Variants in CCDC7 observed in about 807,000 individuals in gnomAD.
The protein encoded by CCDC7 is coiled-coil domain containing 7, also known as coiled-coil domain-containing protein 7.
In CCDC7, 183 loss-of-function variants were observed where a neutral mutation model predicts 196.9. That is an observed-to-expected ratio of 0.93 (90% CI 0.82 to 1.05). The LOEUF (loss-of-function observed/expected upper bound fraction) is 1.05. Among genes scored for constraint, CCDC7 ranks in the 50% least tolerant of loss-of-function variants. CCDC7 has a pLI of 0.00. For synonymous variants in CCDC7, 525 were observed against 484.6 expected, an observed-to-expected ratio of 1.08 and a Z score of -1.10; for missense variants, 1,540 against 1,482.2, an observed-to-expected ratio of 1.04 and a Z score of -0.64.
intron 15 of CCDC7, among the ~76,000 whole-genome samples, chr10:32,568,502 T>C (rs939217297): frequency 8.5e-5 from 13 of 152,132 alleles, no homozygotes; most frequent in Non-Finnish European, 1.8e-4. Flanking sequence ...CCTGGAAAGA[T>C]AAATAATAAA....
chr10:32,645,115 C>T (rs758525621), intron 20 of CCDC7, among the ~76,000 whole-genome samples: 37 of 152,134 alleles, frequency 2.4e-4, no homozygotes, highest in Non-Finnish European at 3.5e-4. Context: ...CATCACTAAT[C>T]ATCAGAGAAA....
intron 9 of CCDC7, chr10:32,511,859 T>A: frequency 1.5e-6 from 1 of 656,326 alleles, no homozygotes; most frequent in African/African-American, 1.8e-5. Context: ...ATCTCACCAA[T>A]GTATAGCTTT....
In CCDC7 at chr10:32,619,910, C is replaced by CTTTTTTTTTTT. The variant is rs56089046; in HGVS notation, c.1802-14324_1802-14314dup. On this transcript the variant is annotated intron_variant, in intron 18 of 41. Coordinates refer to ENST00000639629, the Ensembl canonical transcript of CCDC7. ...CACTGCTCCCAGCCCTTCAATGTAC[C>CTTTTTTTTTTT]TTTTTTTTTTTTTTTTTTTTTTTTT... is the stretch of plus-strand genomic sequence containing the variant. 8.1e-4 allele frequency among the ~76,000 whole-genome samples: 64 copies of CTTTTTTTTTTT among 79,276 alleles called. 6 individuals are homozygous for CTTTTTTTTTTT. The highest frequency in any genetic ancestry group is 9.4e-3 in the Middle Eastern group (1 of 106). The allele number at this position is 79,276 out of a possible 152,430, so 52.0% of individuals were successfully genotyped here.
At chr10:32,589,382 C>T (rs558619685) in intron 18 of CCDC7, among the ~76,000 whole-genome samples, 55 of 152,144 alleles carry the variant, frequency 3.6e-4, no homozygotes, top group Non-Finnish European at 4.4e-4. Context: ...ACCAAATTTT[C>T]TTTATTCATT....
chr10:32,760,278 A>G (rs182934344), intron 28 of CCDC7, among the ~76,000 whole-genome samples: 3 of 152,338 alleles, frequency 2.0e-5, no homozygotes, highest in African/African-American at 7.2e-5. Flanking sequence ...TGATACTGCT[A>G]TAAAGACACA....
chr10:32,723,080 C>T (rs117114146), intron 25 of CCDC7, among the ~76,000 whole-genome samples: 2 of 152,046 alleles, frequency 1.3e-5, no homozygotes, highest in African/African-American at 2.4e-5. Flanking sequence ...ACTTCGTAGA[C>T]CCTAGCAGAC....
intron 41 of CCDC7, among the ~76,000 whole-genome samples, chr10:32,873,233 A>G (rs1460918447): frequency 1.3e-5 from 2 of 151,868 alleles, no homozygotes; most frequent in Admixed American, 6.6e-5. Context: ...GTCTTTGTTC[A>G]TTTCTTTTTA....
upstream of CCDC7, chr10:32,451,542 A>T: frequency 6.9e-7 from 1 of 1,449,592 alleles, no homozygotes; most frequent in Non-Finnish European, 9.1e-7. Flanking sequence ...TAGTATGTGA[A>T]TTTAATTAGA....
At position 32,865,219 on chromosome 10, in the gene CCDC7, T is replaced by G. The variant is rs191643460; in HGVS notation, c.4111+10730T>G. Among the ~76,000 whole-genome samples, 506 of 152,002 alleles carry G rather than the reference T, an allele frequency of 3.3e-3. 1 individual carries two copies. The highest frequency in any genetic ancestry group is 4.3e-3 in the Non-Finnish European group (293 of 67,874). Reference sequence around the variant, plus strand: ...TTATAATAGACTTCTCTGCAGAATATGTAAAGAACTTTTATGTTAATATTA... The same window carrying G: ...TTATAATAGACTTCTCTGCAGAATAGGTAAAGAACTTTTATGTTAATATTA... On this transcript the variant is annotated intron_variant, in intron 41 of 41. Coordinates refer to ENST00000639629, the Ensembl canonical transcript of CCDC7.
At position 32,736,872 on chromosome 10, in the gene CCDC7, A is replaced by G. The variant is rs2084952975; in HGVS notation, c.2905+7415A>G. Among the ~76,000 whole-genome samples, 3 of 152,116 alleles carry G rather than the reference A, an allele frequency of 2.0e-5. No individual in the cohort carries two copies. The South Asian group carries it at 6.2e-4, about 31-fold the overall frequency. On this transcript the variant is annotated intron_variant, in intron 28 of 41. Transcript: ENST00000639629. ...TTATTCTCTTTTCTTGTCTTACTGC[A>G]TTAGTTAGGACTTCCAGTACAATGT...
chr10:32,470,134 C>T (rs1180887865), intron 5 of CCDC7, among the ~76,000 whole-genome samples: 1 of 152,180 alleles, frequency 6.6e-6, no homozygotes, highest in East Asian at 1.9e-4. Flanking sequence ...TTCACTTCTG[C>T]TGTTATATCC....
chr10:32,669,040 G>T (rs1175086774), intron 21 of CCDC7, among the ~76,000 whole-genome samples: 1 of 152,022 alleles, frequency 6.6e-6, no homozygotes, highest in Non-Finnish European at 1.5e-5. Flanking sequence ...CTTGTTTGTT[G>T]TATATGGCTT....
chr10:32,864,645 A>G (rs1451567097), intron 41 of CCDC7, among the ~76,000 whole-genome samples: 2 of 151,808 alleles, frequency 1.3e-5, no homozygotes, highest in Non-Finnish European at 2.9e-5. Context: ...GTTGTACAAT[A>G]TATACAAAAC....
Position 32,471,325 on chromosome 10 carries a change from A to ATACAC in CCDC7, c.677+96_677+100dup, listed in dbSNP as rs111772721. Reference sequence around the variant, plus strand: ...AGATAATGGGTCAGATATGATGGCTATACACAGAGCTTCTTAGTCAAATCA... The same window carrying ATACAC: ...AGATAATGGGTCAGATATGATGGCTATACACTACACAGAGCTTCTTAGTCAAATCA... On this transcript the variant is annotated intron_variant, in intron 6 of 41. Coordinates refer to ENST00000639629, the Ensembl canonical transcript of CCDC7. 3.5e-5 allele frequency: 49 copies of ATACAC among 1,399,494 alleles called. No individual in the cohort carries two copies. The African/African-American group carries it at 5.6e-4, about 16-fold the overall frequency. The allele number at this position is 1,399,494 out of a possible 1,614,324, so 86.7% of individuals were successfully genotyped here.
chr10:32,800,220 G>T (rs2084491940), intron 29 of CCDC7, among the ~76,000 whole-genome samples: 1 of 152,176 alleles, frequency 6.6e-6, no homozygotes, highest in African/African-American at 2.4e-5. Flanking sequence ...CTTGATGGTG[G>T]CAGTAATCTC....
At chr10:32,690,122 T>C (rs2076917782) in intron 23 of CCDC7, among the ~76,000 whole-genome samples, 1 of 152,222 alleles carries the variant, frequency 6.6e-6, no homozygotes. Context: ...AAATCAATCC[T>C]AGGCATTTTA....
chr10:32,824,592 A>G, exon 32 of CCDC7: 1 of 1,608,904 alleles, frequency 6.2e-7, no homozygotes, highest in Non-Finnish European at 8.5e-7. Context: ...GTTAAAGAGA[A>G]AGAGTTACCC....
At chr10:32,717,555 C>G (rs146053576) in intron 25 of CCDC7, among the ~76,000 whole-genome samples, 3 of 151,752 alleles carry the variant, frequency 2.0e-5, no homozygotes, top group Non-Finnish European at 4.4e-5. Flanking sequence ...GAGAGAGACA[C>G]GAAAAACCCT....
intron 18 of CCDC7, among the ~76,000 whole-genome samples, chr10:32,586,795 A>G (rs1547706): frequency 0.28 from 42,589 of 151,890 alleles, 6,031 homozygotes; most frequent in East Asian, 0.41. Context: ...GTATAGTTTG[A>G]AGTCAGGTAG....
Sources: allele counts gnomAD v4.1 joint callset (sites outside exome capture counted in the v4.1 genomes callset), GRCh38; gene constraint gnomAD v4.1.1; transcripts MANE v1.5; gene names NCBI Gene and HGNC (gene_info 2026-07-23, HGNC 2026-07-21).